The following LRP1B variants were observed in gnomAD, a reference collection of about 807,000 sequenced individuals.
LRP1B encodes low-density lipoprotein receptor-related protein 1B.
A neutral mutation model predicts 556.6 loss-of-function variants in LRP1B; 217 were observed. The ratio of observed to expected loss-of-function variants is 0.39; its 90% CI spans 0.35 to 0.44. The LOEUF (loss-of-function observed/expected upper bound fraction) is 0.44. Ranked by LOEUF, LRP1B falls within the 20% of genes least tolerant of loss-of-function variation. The probability of loss-of-function intolerance (pLI) is 1.00; values close to 1 mark genes in which losing one functional copy is unlikely to be tolerated. For synonymous variants in LRP1B, 2,047 were observed against 1,865.8 expected (o/e 1.10, Z -2.50); for missense variants, 5,053 against 5,620.8 (o/e 0.90, Z 3.23).
intron 3 of LRP1B, among the ~76,000 whole-genome samples, chr2:141,441,344 C>T (rs1234546149): frequency 6.6e-6 from 1 of 152,108 alleles, no homozygotes; most frequent in Non-Finnish European, 1.5e-5. Context: ...TCCCAAAGTG[C>T]TGGGACTACA....
chr2:141,822,130 C>CACAGAGAGAGAGAGAGAGAGAGAG (rs374369026), intron 1 of LRP1B, among the ~76,000 whole-genome samples: 6 of 95,894 alleles, frequency 6.3e-5, no homozygotes, highest in African/African-American at 2.2e-4. Flanking sequence ...CACACACACA[C>CACAGAGAGAGAGAGAGAGAGAGAG]AGAGAGAGAG....
At chr2:141,306,784 A>G (rs1480122878) in intron 3 of LRP1B, among the ~76,000 whole-genome samples, 1 of 151,974 alleles carries the variant, frequency 6.6e-6, no homozygotes, top group Admixed American at 6.5e-5. Context: ...TACTTTTGCT[A>G]TATTCCATAG....
Position 141,262,277 on chromosome 2 carries a change from G to A in LRP1B, c.344-7636C>T, listed in dbSNP as rs538385817. ...TCTGAAAGAGAGAGAGCGAGACGGA[G>A]TGTGTGTGTGTGTGTGCGTGCATGT... On this transcript the variant is annotated intron_variant, in intron 3 of 90. Transcript: ENST00000389484. Among the ~76,000 whole-genome samples the A allele has an allele frequency of 6.2e-4, 43 of 69,720 alleles. 1 individual carries two copies. In the East Asian group the frequency reaches 0.016, roughly 25 times the overall value. 45.7% of individuals were successfully genotyped at this position (69,720 alleles called of 152,430 possible).
At chr2:140,775,985 T>G in intron 33 of LRP1B, 113 bp downstream of exon 33, 1 of 925,178 alleles carries the variant, frequency 1.1e-6, no homozygotes, top group Non-Finnish European at 1.6e-6. Flanking sequence ...CTTTTTTCTC[T>G]GTTTTTATTA....
chr2:141,628,187 A>G (rs1688771143), intron 2 of LRP1B, among the ~76,000 whole-genome samples: 1 of 152,140 alleles, frequency 6.6e-6, no homozygotes. Context: ...ACCAAATGCT[A>G]CTTTTCTAAT....
intron 6 of LRP1B, among the ~76,000 whole-genome samples, chr2:141,219,213 G>T (rs1306095127): frequency 6.6e-6 from 1 of 152,208 alleles, no homozygotes; most frequent in Non-Finnish European, 1.5e-5. Flanking sequence ...TTCCTTGGGG[G>T]AGAGGCAGCC....
intron 2 of LRP1B, among the ~76,000 whole-genome samples, chr2:141,796,921 C>CA (rs1437799758): frequency 2.6e-5 from 4 of 151,002 alleles, no homozygotes; most frequent in Admixed American, 1.3e-4. Flanking sequence ...AATATATACA[C>CA]AAAAAACTTG....
At chr2:142,078,355 C>A (rs2104925428) in intron 1 of LRP1B, among the ~76,000 whole-genome samples, 1 of 152,248 alleles carries the variant, frequency 6.6e-6, no homozygotes, top group East Asian at 1.9e-4. Context: ...AGCTATTCTT[C>A]AAACCTCATT....
intron 7 of LRP1B, among the ~76,000 whole-genome samples, chr2:141,138,697 C>T (rs1035145362): frequency 2.6e-5 from 4 of 151,406 alleles, no homozygotes; most frequent in African/African-American, 9.7e-5. Flanking sequence ...GACATATGGA[C>T]ATAACAACAA....
At chr2:141,861,433 A>G (rs1010343194) in intron 1 of LRP1B, among the ~76,000 whole-genome samples, 1 of 152,030 alleles carries the variant, frequency 6.6e-6, no homozygotes, top group African/African-American at 2.4e-5. Context: ...ACTGGAAATC[A>G]CTCCAGGCCA....
intron 1 of LRP1B, among the ~76,000 whole-genome samples, chr2:142,040,433 A>G: frequency 6.6e-6 from 1 of 151,410 alleles, no homozygotes; most frequent in East Asian, 1.9e-4. Flanking sequence ...GAGCTCTCAT[A>G]CAATCCCTTA....
intron 2 of LRP1B, among the ~76,000 whole-genome samples, chr2:141,482,463 A>C (rs1457190509): frequency 6.6e-6 from 1 of 152,048 alleles, no homozygotes; most frequent in African/African-American, 2.4e-5. Flanking sequence ...CTGTAACTTG[A>C]GTATCAATAT....
At chr2:140,320,928 T>A (rs1680082913) in intron 82 of LRP1B, among the ~76,000 whole-genome samples, 1 of 151,950 alleles carries the variant, frequency 6.6e-6, no homozygotes, top group African/African-American at 2.4e-5. Flanking sequence ...TAGTGACACA[T>A]ACCTGTAGTC....
intron 57 of LRP1B, among the ~76,000 whole-genome samples, chr2:140,488,512 G>C (rs1417537260): frequency 6.6e-6 from 1 of 152,046 alleles, no homozygotes; most frequent in South Asian, 2.1e-4. Flanking sequence ...TGGTTTGGCA[G>C]TTCTCACATT....
intron 32 of LRP1B, among the ~76,000 whole-genome samples, chr2:140,781,780 G>A (rs985645249): frequency 6.6e-6 from 1 of 152,162 alleles, no homozygotes; most frequent in African/African-American, 2.4e-5. Context: ...CCTCTGTAAA[G>A]TATTTCAGAC....
At chr2:140,265,327 T>C (rs1682150655) in intron 86 of LRP1B, among the ~76,000 whole-genome samples, 1 of 152,118 alleles carries the variant, frequency 6.6e-6, no homozygotes, top group African/African-American at 2.4e-5. Flanking sequence ...GTATCTACTT[T>C]AATAAATGTA....
chr2:140,789,669 C>G (rs559861706), intron 32 of LRP1B, among the ~76,000 whole-genome samples: 1 of 113,298 alleles, frequency 8.8e-6, no homozygotes, highest in Non-Finnish European at 1.6e-5. Context: ...CTCGCTCTGT[C>G]GCCCAGGCTG....
At chr2:140,875,421 T>G (rs1693274777) in intron 25 of LRP1B, among the ~76,000 whole-genome samples, 1 of 152,182 alleles carries the variant, frequency 6.6e-6, no homozygotes, top group South Asian at 2.1e-4. Context: ...TATAGATTGC[T>G]TATAAGATTT....
chr2:140,953,657 C>T (rs947823695), intron 18 of LRP1B, among the ~76,000 whole-genome samples: 24 of 152,146 alleles, frequency 1.6e-4, no homozygotes, highest in African/African-American at 5.8e-4. Context: ...ACTCATCAAT[C>T]AATCAGTCAT....
Sources: allele counts gnomAD v4.1 joint callset (sites outside exome capture counted in the v4.1 genomes callset), GRCh38; gene constraint gnomAD v4.1.1; transcripts MANE v1.5; gene names NCBI Gene and HGNC (gene_info 2026-07-23, HGNC 2026-07-21).